OR51B5: variants seen among roughly 807,000 people sequenced by gnomAD.
The protein encoded by OR51B5 is olfactory receptor family 51 subfamily B member 5, also known as olfactory receptor 51B5.
For synonymous variants in OR51B5, 186 were observed against 144.8 expected (o/e 1.28, Z -2.04); for missense variants, 456 against 374.6 (o/e 1.22, Z -1.79).
Position 5,343,175 on chromosome 11 carries a change from G to A in OR51B5, c.350C>T (p.Ala117Val), listed in dbSNP as rs1848928074. The A allele has an allele frequency of 2.9e-5, 47 of 1,613,800 alleles. No individual in the cohort carries two copies. Among genetic ancestry groups the A allele is most frequent in the Non-Finnish European group, 4.0e-5 (47 of 1,179,952 alleles). The change falls in exon 1 of 1, where the codon GCC becomes GTC. Residue 117 changes from alanine to valine, a missense_variant. Ala to Val is a moderately conservative substitution (Grantham distance 64). Coordinates refer to ENST00000300773, the Ensembl canonical transcript of OR51B5. ...GCAGATGGCAATAAAACGGTCATAG[G>A]CCATGGCAAGCAGAATGCCAGACTC...
chr11:5,477,577 T>C (rs1036653635), intron 1 of OR51B5, among the ~76,000 whole-genome samples: 2 of 152,152 alleles, frequency 1.3e-5, no homozygotes, highest in Non-Finnish European at 2.9e-5. Flanking sequence ...AGACGGGTGA[T>C]TTCTGCATTT....
intron 1 of OR51B5, among the ~76,000 whole-genome samples, chr11:5,448,473 C>T (rs376233631): frequency 3.3e-5 from 5 of 152,118 alleles, no homozygotes; most frequent in Non-Finnish European, 5.9e-5. Flanking sequence ...AGAGATGGCA[C>T]GGTGTTGTCT....
At chr11:5,376,306 C>T (rs1849527127) in intron 1 of OR51B5, among the ~76,000 whole-genome samples, 2 of 152,050 alleles carry the variant, frequency 1.3e-5, no homozygotes, top group South Asian at 2.1e-4. Flanking sequence ...GGGACACATT[C>T]GAATCAGTGT....
chr11:5,363,549 A>C (rs889041310), intron 1 of OR51B5, among the ~76,000 whole-genome samples: 4 of 152,014 alleles, frequency 2.6e-5, no homozygotes, highest in Non-Finnish European at 5.9e-5. Flanking sequence ...ACTTTTATTA[A>C]ACCAAGCACA....
upstream of OR51B5, among the ~76,000 whole-genome samples, chr11:5,345,396 A>C (rs1848975931): frequency 6.6e-6 from 1 of 152,130 alleles, no homozygotes; most frequent in Admixed American, 6.5e-5. Context: ...AAACTTAAAC[A>C]GAGACAGATG....
In OR51B5 at chr11:5,501,552, G is replaced by C; in HGVS notation, n.84+4017C>G. Among the ~76,000 whole-genome samples the C allele has an allele frequency of 1.4e-5, 2 of 147,408 alleles. 1 individual carries two copies. Among genetic ancestry groups the C allele is most frequent in the Non-Finnish European group, 3.0e-5 (2 of 65,944 alleles). On this transcript the variant is annotated intron_variant and non_coding_transcript_variant, in intron 1 of 4. Coordinates refer to the OR51B5 transcript ENST00000415970. The stretch of plus-strand genomic sequence containing the variant: ...AATTTTCCTCTTGTCTAAGAAGCTT[G>C]ACCACACTGGCTTCTCTTCTCCTTC...
At chr11:5,343,575 G>A (rs1254765745), upstream of OR51B5, 4 of 657,592 alleles carry the variant, frequency 6.1e-6, no homozygotes, top group Non-Finnish European at 1.1e-5. Flanking sequence ...TTACCACAGT[G>A]CACAGTTCTA....
At chr11:5,364,875 T>C (rs1442462552) in intron 1 of OR51B5, among the ~76,000 whole-genome samples, 1 of 152,250 alleles carries the variant, frequency 6.6e-6, no homozygotes, top group Non-Finnish European at 1.5e-5. Flanking sequence ...CCATTTAATA[T>C]AGTTTTATTA....
At chr11:5,401,070 T>C (rs1849960838) in intron 1 of OR51B5, among the ~76,000 whole-genome samples, 1 of 152,194 alleles carries the variant, frequency 6.6e-6, no homozygotes, top group African/African-American at 2.4e-5. Context: ...AGGATTCTAA[T>C]GTTATAACTG....
Position 5,378,911 on chromosome 11 carries a change from T to C in OR51B5, n.85-32001A>G, listed in dbSNP as rs559965852. Among the ~76,000 whole-genome samples, 158 of 151,138 alleles carry C rather than the reference T, an allele frequency of 1.0e-3. 2 individuals are homozygous for C. Among genetic ancestry groups the C allele is most frequent in the African/African-American group, 3.7e-3 (151 of 41,048 alleles). ...TTGTGGAAGTCAGTGTGGCGATTCC[T>C]CAGGGATCTAGAACTAGAAATACCA... On this transcript the variant is annotated intron_variant and non_coding_transcript_variant, in intron 1 of 4. Transcript: ENST00000415970.
At chr11:5,437,165 C>T (rs1850606017) in intron 1 of OR51B5, among the ~76,000 whole-genome samples, 1 of 152,120 alleles carries the variant, frequency 6.6e-6, no homozygotes, top group African/African-American at 2.4e-5. Flanking sequence ...CAACTCCTTC[C>T]TTATAATGAT....
At chr11:5,397,297 T>C (rs892777714) in intron 1 of OR51B5, among the ~76,000 whole-genome samples, 6 of 152,054 alleles carry the variant, frequency 3.9e-5, no homozygotes, top group Non-Finnish European at 5.9e-5. Flanking sequence ...ATTTTTGCAA[T>C]CTACTCATCT....
rs546157196 is a variant in OR51B5 at position 5,401,481 on chromosome 11, C to T, written n.85-54571G>A. On this transcript the variant is annotated intron_variant and non_coding_transcript_variant, in intron 1 of 4. Coordinates refer to the OR51B5 transcript ENST00000415970. ...GCCCAGTGTGGGTCCAAATTCTATG[C>T]TTTTCTAGTTTAATTCTCTGCCACT... Among the ~76,000 whole-genome samples, 9 of 152,292 alleles carry T rather than the reference C, an allele frequency of 5.9e-5. No homozygotes were observed. In the South Asian group the frequency reaches 1.9e-3, roughly 32 times the overall value.
At chr11:5,415,882 T>C (rs1416421168) in intron 1 of OR51B5, among the ~76,000 whole-genome samples, 1 of 150,672 alleles carries the variant, frequency 6.6e-6, no homozygotes, top group Non-Finnish European at 1.5e-5. Context: ...TCTGAAACTA[T>C]TCCAATCAAC....
At chr11:5,375,735 G>A (rs545090847) in intron 1 of OR51B5, among the ~76,000 whole-genome samples, 198 of 152,144 alleles carry the variant, frequency 1.3e-3, no homozygotes, top group African/African-American at 4.5e-3. Context: ...TAATGGTAAA[G>A]GGATCAATTC....
chr11:5,446,271 AAAAG>A (rs1486230750), intron 1 of OR51B5, among the ~76,000 whole-genome samples: 1 of 151,206 alleles, frequency 6.6e-6, no homozygotes, highest in Non-Finnish European at 1.5e-5. Context: ...CATACATAAA[AAAAG>A]AAAGTAGAAT....
At chr11:5,376,596 A>T (rs1292496047) in intron 1 of OR51B5, among the ~76,000 whole-genome samples, 1 of 152,196 alleles carries the variant, frequency 6.6e-6, no homozygotes, top group Non-Finnish European at 1.5e-5. Context: ...AGAAGAATCA[A>T]ATAGACACAA....
chr11:5,379,989 T>TA (rs10694400), intron 1 of OR51B5, among the ~76,000 whole-genome samples: 37 of 145,618 alleles, frequency 2.5e-4, no homozygotes, highest in East Asian at 1.4e-3. Flanking sequence ...AACAAAACTT[T>TA]AAAAAAAAAA....
At chr11:5,354,164 G>C (rs1589949270) in intron 1 of OR51B5, among the ~76,000 whole-genome samples, 1 of 149,628 alleles carries the variant, frequency 6.7e-6, no homozygotes, top group East Asian at 2.0e-4. Context: ...TAGTTCTTCT[G>C]TCTGTTACTG....
Sources: gnomAD v4.1 joint callset for allele counts (sites outside exome capture counted in the v4.1 genomes callset) on GRCh38, gnomAD v4.1.1 for gene constraint, MANE v1.5 for transcripts, NCBI Gene and HGNC (gene_info 2026-07-23, HGNC 2026-07-21) for gene names.